APBB2: variants seen among roughly 807,000 people sequenced by gnomAD.
APBB2 encodes amyloid beta precursor protein binding family B member 2, also known as Fe65-like 1.
A neutral mutation model predicts 82.5 loss-of-function variants in APBB2; 38 were observed. The observed-to-expected ratio is 0.46, with a 90% confidence interval of 0.36 to 0.60. The LOEUF is 0.60. Ranked by LOEUF, APBB2 falls within the 20% of genes least tolerant of loss-of-function variation. APBB2 has a pLI of 0.00. For missense variants in APBB2, 772 were observed against 972.3 expected, an observed-to-expected ratio of 0.79 and a Z score of 2.74; for synonymous variants, 341 against 368.2, an observed-to-expected ratio of 0.93 and a Z score of 0.85.
chr4:41,133,090 T>A (rs1756532851), intron 2 of APBB2, among the ~76,000 whole-genome samples: 1 of 152,210 alleles, frequency 6.6e-6, no homozygotes, highest in Non-Finnish European at 1.5e-5. Context: ...CAAAAGGGAA[T>A]GGTAATCACA....
At chr4:40,841,881 T>C (rs1303689648) in intron 12 of APBB2, among the ~76,000 whole-genome samples, 1 of 152,188 alleles carries the variant, frequency 6.6e-6, no homozygotes, top group African/African-American at 2.4e-5. Context: ...GATTTTGCCA[T>C]GTTGGCCAGG....
chr4:40,827,069 G>T (rs1373801052), intron 14 of APBB2, 63 bp downstream of exon 14: 38 of 1,441,154 alleles, frequency 2.6e-5, no homozygotes, highest in Non-Finnish European at 7.8e-6. Context: ...CCATCTGAGA[G>T]CCTTCAGTCC....
chr4:41,197,778 C>G, intron 1 of APBB2, among the ~76,000 whole-genome samples: 1 of 152,194 alleles, frequency 6.6e-6, no homozygotes, highest in South Asian at 2.1e-4. Flanking sequence ...CCCCCATATT[C>G]TTTGTTCATA....
chr4:40,918,311 A>G (rs997455034), intron 10 of APBB2, among the ~76,000 whole-genome samples: 1 of 152,244 alleles, frequency 6.6e-6, no homozygotes, highest in African/African-American at 2.4e-5. Flanking sequence ...AAAGAACTCC[A>G]TAGGAATGTG....
At chr4:41,152,281 C>T (rs1762447854) in intron 1 of APBB2, among the ~76,000 whole-genome samples, 1 of 151,400 alleles carries the variant, frequency 6.6e-6, no homozygotes, top group African/African-American at 2.4e-5. Flanking sequence ...TATCTAAAGT[C>T]CTTAGGGTTC....
intron 4 of APBB2, among the ~76,000 whole-genome samples, chr4:41,064,682 T>C (rs1003331380): frequency 3.3e-5 from 5 of 152,202 alleles, no homozygotes; most frequent in African/African-American, 1.2e-4. Flanking sequence ...GCTACAACTA[T>C]AGCAGTTCCC....
intron 4 of APBB2, among the ~76,000 whole-genome samples, chr4:41,062,511 C>T (rs9637561): frequency 0.98 from 148,518 of 152,132 alleles, 72,589 homozygotes; most frequent in East Asian, 1. Context: ...AAGGAGTACG[C>T]AGAAGGGAGG....
chr4:41,055,455 C>T (rs73809500), intron 4 of APBB2, among the ~76,000 whole-genome samples: 1,660 of 152,284 alleles, frequency 0.011, 23 homozygotes, highest in African/African-American at 0.038. Flanking sequence ...CTGTTATTTT[C>T]GCCATCCTGG....
Position 40,942,841 on chromosome 4 carries a change from C to T in APBB2, c.1044+2024G>A, listed in dbSNP as rs989685868. 2.6e-5 allele frequency among the ~76,000 whole-genome samples: 4 copies of T among 152,318 alleles called. No individual in the cohort carries two copies. The East Asian group carries it at 7.7e-4, about 29-fold the overall frequency. ...AGTTTTCCCCAGAGCCAGCACCCACCTGTGCTGCATTCTTCCCAAGACTTC... is the reference window on the plus strand; with the variant it reads ...AGTTTTCCCCAGAGCCAGCACCCACTTGTGCTGCATTCTTCCCAAGACTTC... On this transcript the variant is annotated intron_variant, in intron 7 of 17. Transcript: ENST00000508593.
chr4:40,967,851 C>A (rs1193773008), intron 6 of APBB2, among the ~76,000 whole-genome samples: 2 of 152,130 alleles, frequency 1.3e-5, no homozygotes, highest in East Asian at 3.8e-4. Context: ...ACATTTGTAC[C>A]CCTAGCACTA....
chr4:40,957,759 GT>G (rs1792062680), intron 6 of APBB2, among the ~76,000 whole-genome samples: 1 of 151,760 alleles, frequency 6.6e-6, no homozygotes, highest in Admixed American at 6.6e-5. Context: ...AATTTTTATA[GT>G]TTTAGTAGAG....
At chr4:41,130,464 C>T (rs1410055300) in intron 2 of APBB2, among the ~76,000 whole-genome samples, 1 of 152,108 alleles carries the variant, frequency 6.6e-6, no homozygotes, top group Non-Finnish European at 1.5e-5. Context: ...TTGCCCTCTA[C>T]ACTCTATTCT....
At chr4:41,109,982 G>A (rs908428530) in intron 2 of APBB2, among the ~76,000 whole-genome samples, 1 of 152,078 alleles carries the variant, frequency 6.6e-6, no homozygotes, top group African/African-American at 2.4e-5. Flanking sequence ...CCAAGCATAA[G>A]GTCCTTGAAG....
intron 2 of APBB2, 51 bp downstream of exon 2, chr4:41,142,936 T>A (rs1759667633): frequency 6.6e-6 from 1 of 152,252 alleles, no homozygotes; most frequent in Non-Finnish European, 1.5e-5. Flanking sequence ...AAAACAACTT[T>A]TCCCTATCCG....
chr4:41,144,003 A>T (rs1314016598), intron 1 of APBB2, among the ~76,000 whole-genome samples: 3 of 152,260 alleles, frequency 2.0e-5, no homozygotes, highest in Non-Finnish European at 4.4e-5. Context: ...TGCAGCTAGC[A>T]ATTCTGGCAC....
chr4:41,182,088 G>C (rs1771566456), intron 1 of APBB2, among the ~76,000 whole-genome samples: 1 of 152,134 alleles, frequency 6.6e-6, no homozygotes, highest in Non-Finnish European at 1.5e-5. Flanking sequence ...TTCTAAGAAG[G>C]TCACATAAAG....
At chr4:41,207,198 CAAAAAAA>C (rs368548129) in intron 1 of APBB2, among the ~76,000 whole-genome samples, 14 of 67,348 alleles carry the variant, frequency 2.1e-4, no homozygotes, top group South Asian at 7.7e-4. Context: ...GACTCCGTCT[CAAAAAAA>C]AAAAAAAAAA....
intron 3 of APBB2, among the ~76,000 whole-genome samples, chr4:41,076,662 A>G (rs540346171): frequency 2.0e-4 from 30 of 152,324 alleles, no homozygotes; most frequent in Non-Finnish European, 4.4e-4. Flanking sequence ...CCAATTGACA[A>G]AGCCTTGCTT....
At chr4:41,021,309 A>G (rs531736919) in intron 5 of APBB2, among the ~76,000 whole-genome samples, 77 of 152,298 alleles carry the variant, frequency 5.1e-4, no homozygotes, top group Non-Finnish European at 5.9e-4. Flanking sequence ...TCATCACCCA[A>G]TTCCCAACAG....
Sources: gnomAD v4.1 joint callset for allele counts (sites outside exome capture counted in the v4.1 genomes callset) on GRCh38, gnomAD v4.1.1 for gene constraint, MANE v1.5 for transcripts, NCBI Gene and HGNC (gene_info 2026-07-23, HGNC 2026-07-21) for gene names.